AMMECR1L: variants seen among roughly 807,000 people sequenced by gnomAD.
The protein encoded by AMMECR1L is AMMECR1-like protein.
A neutral mutation model predicts 36.8 loss-of-function variants in AMMECR1L; 4 were observed. That is an observed-to-expected ratio of 0.11 (90% CI 0.05 to 0.25). The LOEUF (loss-of-function observed/expected upper bound fraction) is 0.25. Ranked by LOEUF, AMMECR1L falls within the 10% of genes least tolerant of loss-of-function variation. AMMECR1L has a pLI of 1.00. For synonymous variants in AMMECR1L, 147 were observed against 148.0 expected, an observed-to-expected ratio of 0.99 and a Z score of 0.05; for missense variants, 232 against 392.1, an observed-to-expected ratio of 0.59 and a Z score of 3.45.
intron 2 of AMMECR1L, among the ~76,000 whole-genome samples, chr2:127,878,035 G>C (rs1266701390): frequency 6.6e-6 from 1 of 151,916 alleles, no homozygotes; most frequent in Admixed American, 6.6e-5. Flanking sequence ...CTCCAGCCTG[G>C]GTGACAGAGT....
At chr2:127,866,829 T>A in intron 7 of AMMECR1L, 71 bp downstream of exon 7, 3 of 1,384,670 alleles carry the variant, frequency 2.2e-6, no homozygotes, top group Non-Finnish European at 3.1e-6. Context: ...TTCTTCTCCA[T>A]CCCATCAAAA....
At chr2:127,881,895 T>A (rs896843933) in intron 2 of AMMECR1L, among the ~76,000 whole-genome samples, 1 of 152,206 alleles carries the variant, frequency 6.6e-6, no homozygotes, top group Non-Finnish European at 1.5e-5. Flanking sequence ...TTCTAATAAA[T>A]CATCCACTGT....
Position 127,867,080 on chromosome 2 carries a change from T to C in AMMECR1L, c.725-84A>G, listed in dbSNP as rs2104744494. The C allele has an allele frequency of 2.5e-6, 4 of 1,584,262 alleles. No homozygotes were observed. In the East Asian group the frequency reaches 9.0e-5, roughly 36 times the overall value. The stretch of plus-strand genomic sequence containing the variant: ...CACATGGCCCGTGCAAGAAGAGAAA[T>C]GGGACTCGAGAAGCAGCCGAGTCTG... On this transcript the variant is annotated intron_variant, in intron 6 of 7. Coordinates refer to ENST00000272647, the MANE Select transcript of AMMECR1L (RefSeq NM_001199140.2).
rs1157417576 is a variant in AMMECR1L, at chr2:127,873,486, G to T, written c.407+342C>A. 3 of 985,298 alleles carry T rather than the reference G, an allele frequency of 3.0e-6. No homozygotes were observed. The East Asian group carries it at 3.4e-4, about 112-fold the overall frequency. 61.0% of individuals were successfully genotyped at this position (985,298 alleles called of 1,614,324 possible). ...CAACTCACCTGGACTTCAACACTAT[G>T]GGTGTCCCCAATGGTATGGCGTGAC... On this transcript the variant is annotated intron_variant, in intron 3 of 7. Coordinates refer to ENST00000272647, the MANE Select transcript of AMMECR1L (RefSeq NM_001199140.2). The surrounding 1 kb of genome is among the most constrained non-coding windows in gnomAD (Gnocchi z 5.2).
At chr2:127,883,964 G>C (rs1400423771) in intron 2 of AMMECR1L, among the ~76,000 whole-genome samples, 2 of 152,134 alleles carry the variant, frequency 1.3e-5, no homozygotes, top group Admixed American at 1.3e-4. Context: ...ATAAAGGAAA[G>C]ATCATGCCAC....
At chr2:127,880,201 G>C (rs1039183260) in intron 2 of AMMECR1L, among the ~76,000 whole-genome samples, 1 of 152,172 alleles carries the variant, frequency 6.6e-6, no homozygotes, top group African/African-American at 2.4e-5. Context: ...CTTTATGAAA[G>C]TATATATAAC....
intron 2 of AMMECR1L, among the ~76,000 whole-genome samples, chr2:127,880,258 T>C (rs768034436): frequency 3.3e-5 from 5 of 152,152 alleles, no homozygotes; most frequent in African/African-American, 7.2e-5. Context: ...AAAGCTCAGC[T>C]CAAGGGCCAT....
intron 5 of AMMECR1L, 24 bp downstream of exon 5, chr2:127,870,790 A>C: frequency 6.4e-7 from 1 of 1,573,364 alleles, no homozygotes; most frequent in Non-Finnish European, 8.7e-7. Context: ...AGAGATGCAG[A>C]GTTCCAAATG....
rs112961860 is a variant in AMMECR1L at position 127,881,164 on chromosome 2, C to T, written c.-39+3039G>A. The stretch of plus-strand genomic sequence containing the variant: ...CTTTTGATAGGTCAGACAATCTAAA[C>T]TGCAGTTGGGAAGAATCATTTTTTC... On this transcript the variant is annotated intron_variant, in intron 2 of 7. Transcript: ENST00000272647. Among the ~76,000 whole-genome samples, 878 of 152,080 alleles carry T rather than the reference C, an allele frequency of 5.8e-3. 9 individuals are homozygous for T. Among genetic ancestry groups the T allele is most frequent in the African/African-American group, 0.02 (823 of 41,558 alleles).
At position 127,865,943 on chromosome 2, in the gene AMMECR1L, C is replaced by T. The variant is rs563988094; in HGVS notation, c.822-738G>A. ...CTTTCCCACTGTAATCACTCCTCCA[C>T]TGCAAGGTGATTATTCCTGAATTTT... is the stretch of plus-strand genomic sequence containing the variant. On this transcript the variant is annotated intron_variant, in intron 7 of 7. Transcript: ENST00000272647. The surrounding 1 kb of genome is among the most constrained non-coding windows in gnomAD (Gnocchi z 5.4). 8.7e-4 allele frequency among the ~76,000 whole-genome samples: 132 copies of T among 152,346 alleles called. No individual in the cohort carries two copies. The highest frequency in any genetic ancestry group is 3.0e-3 in the African/African-American group (125 of 41,584).
In AMMECR1L at chr2:127,874,542, A is replaced by C. The variant is rs1395260234; in HGVS notation, c.-38-270T>G. Among the ~76,000 whole-genome samples, 1 of 152,212 alleles carries C rather than the reference A, an allele frequency of 6.6e-6. No individual in the cohort carries two copies. The highest frequency in any genetic ancestry group is 2.4e-5 in the African/African-American group (1 of 41,480). On this transcript the variant is annotated intron_variant, in intron 2 of 7. Coordinates refer to ENST00000272647, the MANE Select transcript of AMMECR1L (RefSeq NM_001199140.2). This position sits in a 1 kb window ranked among gnomAD's most constrained non-coding sequence, Gnocchi z 5.2. The stretch of plus-strand genomic sequence containing the variant: ...CCCAAGAGTCCCCAGGGCAGAAGAC[A>C]GGGTGGGGCACCAGCCAGCGTGAAG...
chr2:127,870,894 G>T lies in AMMECR1L; in HGVS notation c.553C>A (p.Arg185=). ...LKDSRFPPLT[R]EELPKLFCSV... is the part of the protein sequence containing the mutation. ...CAGAAAAGTTTAGGCAGCTCCTCTC[G>T]GGTCAGGGGGGGAAATCGGCTGTCC... Residue 185 remains arginine, a synonymous_variant, in exon 5 of 8, where the codon CGA becomes AGA. Coordinates refer to ENST00000272647, the MANE Select transcript of AMMECR1L (RefSeq NM_001199140.2). 1 of 1,613,668 alleles carries T rather than the reference G, an allele frequency of 6.2e-7. No individual in the cohort carries two copies. Among genetic ancestry groups the T allele is most frequent in the Non-Finnish European group, 8.5e-7 (1 of 1,179,868 alleles).
rs1246056513 is a variant in AMMECR1L at position 127,874,143 on chromosome 2, G to A, written c.92C>T (p.Thr31Met). Residue 31 changes from threonine to methionine, a missense_variant, in exon 3 of 8, where the codon ACG (threonine) becomes ATG (methionine). Physicochemically the swap from Thr to Met is moderately conservative, Grantham distance 81. This residue lies in a region of AMMECR1L where 109 missense variants were observed against 128.1 expected (regional missense o/e 0.85). Coordinates refer to ENST00000272647, the MANE Select transcript of AMMECR1L (RefSeq NM_001199140.2). This position sits in a 1 kb window ranked among gnomAD's most constrained non-coding sequence, Gnocchi z 5.2. ...TGTGGACTGATTCCCGTGACTGTGC[G>A]TTCCACTTCCAGATAATTTGGGCTT... ...VKKPKLSGSG[T>M]HSHGNQSTTV... 4.3e-6 allele frequency: 7 copies of A among 1,614,112 alleles called. No homozygotes were observed. The highest frequency in any genetic ancestry group is 2.2e-5 in the South Asian group (2 of 91,078).
rs1282608514 is a variant in AMMECR1L at position 127,862,263 on chromosome 2, G to A, written c.*2831C>T. 6 of 153,776 alleles carry A rather than the reference G, an allele frequency of 3.9e-5. No individual in the cohort carries two copies. Among genetic ancestry groups the A allele is most frequent in the African/African-American group, 1.4e-4 (6 of 41,456 alleles). 9.5% of individuals were successfully genotyped at this position (153,776 alleles called of 1,614,324 possible). ...AGCCAGAGAAATTGGGCTGGTCCTT[G>A]AAAACAGTGGTTACCTACTGTCCAG... On this transcript the variant is annotated 3_prime_UTR_variant, in exon 8 of 8. Coordinates refer to ENST00000272647, the MANE Select transcript of AMMECR1L (RefSeq NM_001199140.2).
chr2:127,875,298 A>G (rs1471522234), intron 2 of AMMECR1L, among the ~76,000 whole-genome samples: 2 of 152,182 alleles, frequency 1.3e-5, no homozygotes, highest in Non-Finnish European at 2.9e-5. Flanking sequence ...CAATGTTGAC[A>G]ATACTGAAGT....
Position 127,862,715 on chromosome 2 carries a change from C to T in AMMECR1L, c.*2379G>A, listed in dbSNP as rs981223485. 6.6e-6 allele frequency: 1 copy of T among 152,620 alleles called. No homozygotes were observed. Among genetic ancestry groups the T allele is most frequent in the Non-Finnish European group, 1.5e-5 (1 of 68,044 alleles). The allele number at this position is 152,620 out of a possible 1,614,324, so 9.5% of individuals were successfully genotyped here. ...ATGAGGGAATGTGCAGGGAGTAAGGCTTCTTCACTCCAAAAACCACTGAGC... is the reference window on the plus strand; with the variant it reads ...ATGAGGGAATGTGCAGGGAGTAAGGTTTCTTCACTCCAAAAACCACTGAGC... On this transcript the variant is annotated 3_prime_UTR_variant, in exon 8 of 8. Coordinates refer to ENST00000272647, the MANE Select transcript of AMMECR1L (RefSeq NM_001199140.2).
intron 1 of AMMECR1L, chr2:127,885,243 G>A (rs1280402709): frequency 4.1e-6 from 4 of 984,644 alleles, no homozygotes; most frequent in Non-Finnish European, 3.6e-6. Context: ...GAAAACGACA[G>A]GACAGAGCGG....
At chr2:127,884,633 G>C (rs1186021365) in intron 1 of AMMECR1L, 1 of 152,192 alleles carries the variant, frequency 6.6e-6, no homozygotes, top group Non-Finnish European at 1.5e-5. Flanking sequence ...CAGAGCAAAA[G>C]TTGCTCTCAG....
rs1242528826 is a variant in AMMECR1L, at chr2:127,862,095, T to C, written c.*2999A>G. 1 of 152,984 alleles carries C rather than the reference T, an allele frequency of 6.5e-6. No individual in the cohort carries two copies. The highest frequency in any genetic ancestry group is 2.4e-5 in the African/African-American group (1 of 41,452). 9.5% of individuals were successfully genotyped at this position (152,984 alleles called of 1,614,324 possible). ...ATAATCCAACACCGACAGACTCTAG[T>C]GATCAAAGACATTCTCTTTTAATGT... On this transcript the variant is annotated 3_prime_UTR_variant, in exon 8 of 8. Coordinates refer to ENST00000272647, the MANE Select transcript of AMMECR1L (RefSeq NM_001199140.2).
Sources: gnomAD v4.1 joint callset for allele counts (sites outside exome capture counted in the v4.1 genomes callset) on GRCh38, gnomAD v4.1.1 for gene constraint, gnomAD v4.1.1 regional missense constraint, Gnocchi (gnomAD v3.1) non-coding constraint, MANE v1.5 for transcripts, NCBI Gene and HGNC (gene_info 2026-07-23, HGNC 2026-07-21) for gene names.